Variants in ESRRG observed in about 807,000 individuals in gnomAD.
ESRRG encodes estrogen-related receptor gamma.
ESRRG carries 13 observed loss-of-function variants against 44.0 expected under a neutral mutation model. The observed-to-expected ratio is 0.30, with a 90% CI of 0.19 to 0.47. The LOEUF is 0.47. Ranked by LOEUF, ESRRG falls within the 20% of genes least tolerant of loss-of-function variation. The pLI is 1.00. For synonymous variants in ESRRG, 215 were observed against 214.6 expected, an observed-to-expected ratio of 1.00 and a Z score of -0.02; for missense variants, 395 against 580.6, an observed-to-expected ratio of 0.68 and a Z score of 3.29.
intron 1 of ESRRG, among the ~76,000 whole-genome samples, chr1:216,678,827 G>A (rs926361560): frequency 6.6e-6 from 1 of 152,216 alleles, no homozygotes; most frequent in African/African-American, 2.4e-5. Context: ...TAGAATTTGG[G>A]GGACTCATCA....
At chr1:216,877,941 T>C (rs888979489) in intron 2 of ESRRG, among the ~76,000 whole-genome samples, 4 of 152,162 alleles carry the variant, frequency 2.6e-5, no homozygotes, top group African/African-American at 4.8e-5. Flanking sequence ...TCCTTAATAC[T>C]GCAACAAACA....
At chr1:216,854,986 T>C (rs1004995015) in intron 2 of ESRRG, 1 of 152,182 alleles carries the variant, frequency 6.6e-6, no homozygotes, top group Non-Finnish European at 1.5e-5. Flanking sequence ...AGCAATCCTC[T>C]AGAAGTGCTG....
At chr1:216,872,527 T>A (rs966839700) in intron 2 of ESRRG, among the ~76,000 whole-genome samples, 12 of 152,162 alleles carry the variant, frequency 7.9e-5, no homozygotes, top group South Asian at 6.2e-4. Context: ...GATTGGATAA[T>A]TTCTACTGAT....
Position 216,664,198 on chromosome 1 carries a change from A to G in ESRRG, c.472+12878T>C, listed in dbSNP as rs2073279982. Among the ~76,000 whole-genome samples the G allele has an allele frequency of 2.0e-5, 3 of 152,138 alleles. No individual in the cohort carries two copies. In the South Asian group the frequency reaches 6.2e-4, roughly 31 times the overall value. ...AATCTTTTAAAAGCTTTTAAAATATACAAGGCAGTGTAATGAAGGGGTTAA... is the reference window on the plus strand; with the variant it reads ...AATCTTTTAAAAGCTTTTAAAATATGCAAGGCAGTGTAATGAAGGGGTTAA... On this transcript the variant is annotated intron_variant, in intron 2 of 6. Coordinates refer to ENST00000408911, the MANE Select transcript of ESRRG (RefSeq NM_001438.4).
At chr1:217,127,083 T>C (rs1386696557) in intron 1 of ESRRG, among the ~76,000 whole-genome samples, 1 of 152,232 alleles carries the variant, frequency 6.6e-6, no homozygotes, top group African/African-American at 2.4e-5. Context: ...ATACTCACGG[T>C]ATATTGATTT....
At chr1:217,004,791 G>T (rs1177872164) in intron 1 of ESRRG, among the ~76,000 whole-genome samples, 1 of 152,048 alleles carries the variant, frequency 6.6e-6, no homozygotes, top group Non-Finnish European at 1.5e-5. Flanking sequence ...TATATATAGT[G>T]CCTGTGAAAT....
At chr1:216,791,623 A>C (rs2094323468) in intron 2 of ESRRG, among the ~76,000 whole-genome samples, 1 of 152,150 alleles carries the variant, frequency 6.6e-6, no homozygotes. Context: ...CCACACTCAC[A>C]ATCACATTCT....
intron 2 of ESRRG, among the ~76,000 whole-genome samples, chr1:216,891,492 A>G (rs1007390295): frequency 6.6e-6 from 1 of 152,178 alleles, no homozygotes; most frequent in Non-Finnish European, 1.5e-5. Context: ...ACACATACAC[A>G]CGTACATATT....
intron 3 of ESRRG, among the ~76,000 whole-genome samples, chr1:216,576,442 G>A (rs2061689131): frequency 6.6e-6 from 1 of 151,878 alleles, no homozygotes; most frequent in African/African-American, 2.4e-5. Flanking sequence ...TTAGCAAGGG[G>A]AAGTCTTTCG....
intron 5 of ESRRG, among the ~76,000 whole-genome samples, chr1:216,549,576 G>C (rs961842986): frequency 2.0e-5 from 3 of 152,004 alleles, no homozygotes; most frequent in African/African-American, 7.2e-5. Flanking sequence ...ATTATCCTTT[G>C]AATTATAACA....
chr1:216,805,735 A>G (rs898940855), intron 2 of ESRRG, among the ~76,000 whole-genome samples: 3 of 138,864 alleles, frequency 2.2e-5, no homozygotes, highest in Admixed American at 7.2e-5. Flanking sequence ...TTGTAATTGG[A>G]AAAAAAAAAA....
chr1:216,689,521 G>A lies in ESRRG; in HGVS notation c.57-12030C>T, dbSNP rs1406908444. ...GAGAAGACTTTAACATGTAAAGTCCGTGGCTGAACTGGTAGTATCTTAATA... is the reference window on the plus strand; with the variant it reads ...GAGAAGACTTTAACATGTAAAGTCCATGGCTGAACTGGTAGTATCTTAATA... On this transcript the variant is annotated intron_variant, in intron 1 of 6. Coordinates refer to ENST00000408911, the MANE Select transcript of ESRRG (RefSeq NM_001438.4). 2.6e-5 allele frequency among the ~76,000 whole-genome samples: 4 copies of A among 152,078 alleles called. No individual in the cohort carries two copies. In the East Asian group the frequency reaches 5.8e-4, roughly 22 times the overall value.
At chr1:216,875,712 T>C (rs2096340252) in intron 2 of ESRRG, among the ~76,000 whole-genome samples, 1 of 152,174 alleles carries the variant, frequency 6.6e-6, no homozygotes, top group African/African-American at 2.4e-5. Context: ...TTTATTGTTA[T>C]AAATAATATT....
At chr1:216,974,460 A>G (rs867372902) in intron 1 of ESRRG, among the ~76,000 whole-genome samples, 2 of 152,174 alleles carry the variant, frequency 1.3e-5, no homozygotes, top group Admixed American at 6.5e-5. Flanking sequence ...CCAAAGGGGA[A>G]AAAAATAGCA....
At chr1:217,002,306 A>G (rs1363786374) in intron 1 of ESRRG, among the ~76,000 whole-genome samples, 2 of 130,506 alleles carry the variant, frequency 1.5e-5, no homozygotes, top group Non-Finnish European at 3.1e-5. Flanking sequence ...TGTCTAAAAA[A>G]AAAAAAAAGA....
chr1:216,675,646 T>A (rs2075977704), intron 2 of ESRRG, among the ~76,000 whole-genome samples: 1 of 152,140 alleles, frequency 6.6e-6, no homozygotes, highest in Admixed American at 6.5e-5. Flanking sequence ...GCATCAGGAT[T>A]ACCCAGAGGG....
chr1:217,031,085 A>G (rs983818151), intron 1 of ESRRG, among the ~76,000 whole-genome samples: 1 of 152,222 alleles, frequency 6.6e-6, no homozygotes, highest in South Asian at 2.1e-4. Context: ...AATCTAGTCA[A>G]TGGTCTGTTT....
At chr1:216,860,312 C>A (rs534852562) in intron 2 of ESRRG, among the ~76,000 whole-genome samples, 14 of 151,964 alleles carry the variant, frequency 9.2e-5, no homozygotes, top group Non-Finnish European at 1.9e-4. Flanking sequence ...AAATAGCAGA[C>A]AAAGACATTA....
intron 1 of ESRRG, among the ~76,000 whole-genome samples, chr1:217,027,737 G>T (rs2150989062): frequency 6.6e-6 from 1 of 152,302 alleles, no homozygotes. Context: ...AGGAGGTAAA[G>T]CTTGGGTTCC....
Sources: gnomAD v4.1 joint callset for allele counts (sites outside exome capture counted in the v4.1 genomes callset) on GRCh38, gnomAD v4.1.1 for gene constraint, MANE v1.5 for transcripts, NCBI Gene and HGNC (gene_info 2026-07-23, HGNC 2026-07-21) for gene names.